The following SAMD5 variants were observed in gnomAD, a reference collection of about 807,000 sequenced individuals.
The protein encoded by SAMD5 is sterile alpha motif domain containing 5, also known as sterile alpha motif domain-containing protein 5.
SAMD5 carries 13 observed loss-of-function variants against 11.3 expected under a neutral mutation model. That is an observed-to-expected ratio of 1.15 (90% CI 0.75 to 1.83). The LOEUF (loss-of-function observed/expected upper bound fraction) is 1.83. SAMD5 is among the 40% of genes most tolerant of loss of function. The probability of loss-of-function intolerance (pLI) is 0.00; values close to 1 mark genes in which losing one functional copy is unlikely to be tolerated. For synonymous variants in SAMD5, 129 were observed against 111.3 expected (o/e 1.16, Z -1.00); for missense variants, 255 against 239.1 (o/e 1.07, Z -0.44).
chr6:147,866,125 C>T, the SAMD5 span, among the ~76,000 whole-genome samples: 30 of 150,734 alleles, frequency 2.0e-4, no homozygotes, highest in African/African-American at 6.6e-4. Flanking sequence ...TTTTTTTTCC[C>T]GATAAACTAC....
intron 1 of SAMD5, among the ~76,000 whole-genome samples, chr6:147,553,422 A>G (rs1221434831): frequency 6.6e-6 from 1 of 152,276 alleles, no homozygotes; most frequent in East Asian, 1.9e-4. Context: ...AGTATGCCTC[A>G]TGTGTTCTCC....
chr6:147,644,576 G>T (rs1054899858), intron 1 of SAMD5, among the ~76,000 whole-genome samples: 1 of 152,156 alleles, frequency 6.6e-6, no homozygotes, highest in Admixed American at 6.5e-5. Flanking sequence ...TAATGCATCA[G>T]TATGTCTTCA....
chr6:147,875,618 C>A, the SAMD5 span, among the ~76,000 whole-genome samples: 3 of 152,118 alleles, frequency 2.0e-5, no homozygotes. Flanking sequence ...GTGGGCAAGC[C>A]AGGAAGCTTC....
chr6:147,816,441 G>A, the SAMD5 span, among the ~76,000 whole-genome samples: 5 of 149,210 alleles, frequency 3.4e-5, no homozygotes, highest in Admixed American at 3.3e-4. Flanking sequence ...CTTTAGAAGT[G>A]GTATTTAATA....
chr6:147,670,949 A>G (rs1003254540), intron 1 of SAMD5, among the ~76,000 whole-genome samples: 5 of 152,198 alleles, frequency 3.3e-5, no homozygotes, highest in Admixed American at 2.0e-4. Flanking sequence ...GGCTTTTGAC[A>G]TGACTACTTC....
At chr6:147,875,695 G>A in the SAMD5 span, among the ~76,000 whole-genome samples, 1 of 152,018 alleles carries the variant, frequency 6.6e-6, no homozygotes, top group Non-Finnish European at 1.5e-5. Flanking sequence ...TCACATCAGT[G>A]GCCGCGTTAG....
chr6:147,767,868 C>T, the SAMD5 span, among the ~76,000 whole-genome samples: 5 of 152,138 alleles, frequency 3.3e-5, no homozygotes, highest in Admixed American at 1.3e-4. Flanking sequence ...GCTATTTTAA[C>T]TAAACTGATA....
chr6:147,899,453 T>C, the SAMD5 span, among the ~76,000 whole-genome samples: 1 of 152,126 alleles, frequency 6.6e-6, no homozygotes, highest in Non-Finnish European at 1.5e-5. Flanking sequence ...TTCAATTGAT[T>C]GCCAAAATTT....
intron 1 of SAMD5, among the ~76,000 whole-genome samples, chr6:147,524,380 G>A (rs1169342239): frequency 6.6e-6 from 1 of 151,868 alleles, no homozygotes; most frequent in Admixed American, 6.6e-5. Context: ...GGGGGAAAGG[G>A]GAAGAGTAAT....
At position 147,673,572 on chromosome 6, in the gene SAMD5, G is replaced by A. The variant is rs943571336; in HGVS notation, c.163-63745G>A. On this transcript the variant is annotated intron_variant, in intron 1 of 1. Coordinates refer to the SAMD5 transcript ENST00000566741. ...TTCTTTTGGAAAATGATACTTGTGC[G>A]GACACTTCCTCTATTTATTGATGGT... 1.1e-4 allele frequency among the ~76,000 whole-genome samples: 16 copies of A among 151,906 alleles called. 1 individual carries two copies. Among genetic ancestry groups the A allele is most frequent in the Admixed American group, 7.8e-4 (12 of 15,288 alleles).
At position 147,564,999 on chromosome 6, in the gene SAMD5, C is replaced by G. The variant is rs1562322015; in HGVS notation, c.*543C>G. The G allele has an allele frequency of 6.7e-6, 6 of 891,704 alleles. No homozygotes were observed. In the South Asian group the frequency reaches 2.6e-4, roughly 39 times the overall value. The allele number at this position is 891,704 out of a possible 1,614,324, so 55.2% of individuals were successfully genotyped here. ...TGTAGAATAGTTTGGTGAAGGAATT[C>G]TTATTTTAAGGTGCTTTTATATAGT... On this transcript the variant is annotated 3_prime_UTR_variant, in exon 2 of 2. Transcript: ENST00000367474.
chr6:147,510,608 G>A (rs1406011943), intron 1 of SAMD5, among the ~76,000 whole-genome samples: 1 of 152,190 alleles, frequency 6.6e-6, no homozygotes, highest in East Asian at 1.9e-4. Flanking sequence ...AGGCTGTAAT[G>A]CCTGGAGTTA....
the SAMD5 span, among the ~76,000 whole-genome samples, chr6:147,776,583 C>T: frequency 6.6e-6 from 1 of 152,112 alleles, no homozygotes; most frequent in Admixed American, 6.5e-5. Context: ...GGGTTGCTGT[C>T]CACAGCAGGA....
the SAMD5 span, among the ~76,000 whole-genome samples, chr6:147,771,203 A>G: frequency 1.3e-5 from 2 of 152,228 alleles, no homozygotes; most frequent in African/African-American, 4.8e-5. Flanking sequence ...TCCATAAGAA[A>G]CACATGTCTC....
intron 1 of SAMD5, 33 bp downstream of exon 1, chr6:147,509,420 C>A: frequency 2.0e-6 from 3 of 1,492,104 alleles, no homozygotes; most frequent in Non-Finnish European, 2.7e-6. Context: ...GCCCGGGGCG[C>A]GCGGCGGGAG....
At chr6:147,535,376 A>T (rs9497801) in intron 1 of SAMD5, among the ~76,000 whole-genome samples, 84,181 of 152,066 alleles carry the variant, frequency 0.55, 23,604 homozygotes, top group East Asian at 0.71. Flanking sequence ...AGGAGTACAA[A>T]TTTCGATTTT....
At chr6:147,545,513 C>T (rs562144691) in intron 1 of SAMD5, among the ~76,000 whole-genome samples, 1 of 152,200 alleles carries the variant, frequency 6.6e-6, no homozygotes, top group East Asian at 1.9e-4. Context: ...TGTTGACATT[C>T]CTTAAATTAG....
At chr6:147,829,060 T>G in the SAMD5 span, among the ~76,000 whole-genome samples, 3 of 152,244 alleles carry the variant, frequency 2.0e-5, no homozygotes, top group Non-Finnish European at 2.9e-5. Flanking sequence ...TTTGTTCATC[T>G]AATCCTGGAA....
At chr6:147,737,670 G>T (rs997253202), downstream of SAMD5, 2 of 138,166 alleles carry the variant, frequency 1.4e-5, no homozygotes, top group Non-Finnish European at 3.0e-5. Flanking sequence ...AAAGATTGAG[G>T]GCTTTTTTTT....
Sources: allele counts gnomAD v4.1 joint callset (sites outside exome capture counted in the v4.1 genomes callset), GRCh38; gene constraint gnomAD v4.1.1; transcripts MANE v1.5; gene names NCBI Gene and HGNC (gene_info 2026-07-23, HGNC 2026-07-21).